SLC66A2: variants seen among roughly 807,000 people sequenced by gnomAD.
SLC66A2 encodes solute carrier family 66 member 2.
A neutral mutation model predicts 25.5 loss-of-function variants in SLC66A2; 23 were observed. That is an observed-to-expected ratio of 0.90 (90% CI 0.65 to 1.28). The LOEUF is 1.28. SLC66A2 is among the 50% of genes most tolerant of loss of function. SLC66A2 has a pLI of 0.00. For synonymous variants in SLC66A2, 193 were observed against 166.5 expected (o/e 1.16, Z -1.23); for missense variants, 396 against 373.1 (o/e 1.06, Z -0.51).
chr18:79,947,567 A>G, intron 2 of SLC66A2, among the ~76,000 whole-genome samples: 1 of 150,246 alleles, frequency 6.7e-6, no homozygotes, highest in Non-Finnish European at 1.5e-5. Flanking sequence ...CCTTCTCACC[A>G]GAGCCCAGCC....
chr18:79,943,544 G>A (rs1253436033), intron 2 of SLC66A2, 82 bp from the exon 3 acceptor site: 13 of 1,524,738 alleles, frequency 8.5e-6, no homozygotes, highest in South Asian at 4.9e-5. Flanking sequence ...GAGAGACCCG[G>A]GTCAGGAGGG....
Position 79,950,742 on chromosome 18 carries a change from A to G in SLC66A2, c.185T>C (p.Ile62Thr). 6.2e-7 allele frequency: 1 copy of G among 1,613,134 alleles called. No homozygotes were observed. The highest frequency in any genetic ancestry group is 8.5e-7 in the Non-Finnish European group (1 of 1,179,922). The change falls in exon 2 of 6, where the codon ATT (isoleucine) becomes ACT (threonine). Residue 62 changes from isoleucine (I) to threonine (T), a missense_variant. Physicochemically the swap from Ile to Thr is moderately conservative, Grantham distance 89. Transcript: ENST00000397778. ...AACTTACCAGAAGAGTATCCGCAAA[A>G]TGTTGGCCACCAGCAGCACCAGGCA... ...YVCLVLLVAN[I>T]LRILFWFGRR...
chr18:79,919,380 A>G lies in SLC66A2; in HGVS notation c.412T>C (p.Trp138Arg), dbSNP rs1984706434. ...TAGTCCGAGAAGCTGCTCCACTGCC[A>G]GAAGTGGTGGGGGTCGAAGTCTAGG... ...SFLDFDPHHF[W>R]QWSSFSDYVQ... Residue 138 changes from tryptophan (W) to arginine (R), a missense_variant, in exon 5 of 6, where the codon TGG becomes CGG. Transcript: ENST00000397778. The G allele has an allele frequency of 6.2e-7, 1 of 1,613,102 alleles. No homozygotes were observed. Among genetic ancestry groups the G allele is most frequent in the Non-Finnish European group, 8.5e-7 (1 of 1,180,000 alleles).
chr18:79,935,791 C>T (rs922021275), intron 3 of SLC66A2, among the ~76,000 whole-genome samples: 1 of 151,678 alleles, frequency 6.6e-6, no homozygotes, highest in Non-Finnish European at 1.5e-5. Context: ...TGCCAAAGAG[C>T]GAGTGAGGGA....
At chr18:79,939,951 A>G (rs920219873) in intron 3 of SLC66A2, among the ~76,000 whole-genome samples, 2 of 152,230 alleles carry the variant, frequency 1.3e-5, no homozygotes, top group Non-Finnish European at 2.9e-5. Flanking sequence ...ACTAGCAAAG[A>G]CTTGGAATTA....
At chr18:79,932,526 G>A (rs1350601577) in intron 4 of SLC66A2, among the ~76,000 whole-genome samples, 1 of 151,926 alleles carries the variant, frequency 6.6e-6, no homozygotes, top group Non-Finnish European at 1.5e-5. Flanking sequence ...TTAAAAAGTT[G>A]GTTATTTGAC....
intron 1 of SLC66A2, 114 bp from the exon 2 acceptor site, chr18:79,951,139 G>A (rs1231311483): frequency 2.8e-5 from 7 of 250,994 alleles, no homozygotes; most frequent in Non-Finnish European, 5.2e-5. Context: ...GGGCGACCGG[G>A]GCCCGGGGCG....
intron 4 of SLC66A2, among the ~76,000 whole-genome samples, chr18:79,924,240 G>A (rs1985650519): frequency 6.6e-6 from 1 of 152,136 alleles, no homozygotes; most frequent in African/African-American, 2.4e-5. Flanking sequence ...GTGCACAGTG[G>A]AGTATTAGCC....
At position 79,933,845 on chromosome 18, in the gene SLC66A2, C is replaced by G. The variant is rs536551515; in HGVS notation, c.391+124G>C. On this transcript the variant is annotated intron_variant, in intron 4 of 5. Coordinates refer to ENST00000397778, the MANE Select transcript of SLC66A2 (RefSeq NM_025078.5). ...GGAGTTGATTAGTTTGCTGTAGACT[C>G]GGCCACGCTTGGTAAAGATGACGCA... The G allele has an allele frequency of 5.0e-6, 4 of 798,958 alleles. No individual in the cohort carries two copies. In the East Asian group the frequency reaches 1.1e-4, roughly 22 times the overall value. The allele number at this position is 798,958 out of a possible 1,614,324, so 49.5% of individuals were successfully genotyped here. A position where few individuals can be genotyped will look rare whatever the true frequency, so the allele number is the denominator to read the frequency against.
At chr18:79,929,990 G>T (rs1197963936) in intron 4 of SLC66A2, among the ~76,000 whole-genome samples, 2 of 152,146 alleles carry the variant, frequency 1.3e-5, no homozygotes, top group African/African-American at 4.8e-5. Context: ...GGCACATGCA[G>T]AATGGGTGAG....
intron 5 of SLC66A2, chr18:79,916,074 C>CGCTCCCATACCCACGGT (rs1984009467): frequency 9.5e-6 from 1 of 104,856 alleles, no homozygotes; most frequent in Non-Finnish European, 2.0e-5. Flanking sequence ...ATACCCACAG[C>CGCTCCCATACCCACGGT]GCTCCCGTAC....
chr18:79,931,850 C>CA (rs1374580800), intron 4 of SLC66A2, among the ~76,000 whole-genome samples: 7 of 151,824 alleles, frequency 4.6e-5, no homozygotes, highest in Admixed American at 4.6e-4. Context: ...CCTGTCTCTA[C>CA]AAAAAATACA....
chr18:79,943,251 T>C, intron 3 of SLC66A2, 78 bp downstream of exon 3: 1 of 1,549,212 alleles, frequency 6.5e-7, no homozygotes. Context: ...TCAGGACAGA[T>C]TAGAGTGGCT....
chr18:79,918,430 TC>T lies in SLC66A2; in HGVS notation c.608+753del, dbSNP rs1568305404. On this transcript the variant is annotated intron_variant, in intron 5 of 5. Transcript: ENST00000397778. The surrounding 1 kb of genome is among the most constrained non-coding windows in gnomAD (Gnocchi z 4.0). ...AGTGAGGAGCGGGCCCGGGGGGGGG[TC>T]CCCAGTGAGGAGCGGGCACCGGGGA... Among the ~76,000 whole-genome samples, 1 of 83,318 alleles carries T rather than the reference TC, an allele frequency of 1.2e-5. No individual in the cohort carries two copies. Among genetic ancestry groups the T allele is most frequent in the African/African-American group, 3.7e-5 (1 of 26,722 alleles). 54.7% of individuals were successfully genotyped at this position (83,318 alleles called of 152,430 possible).
Position 79,904,489 on chromosome 18 carries a change from C to T in SLC66A2, c.609-306G>A, listed in dbSNP as rs562902366. Among the ~76,000 whole-genome samples the T allele has an allele frequency of 2.0e-5, 3 of 152,238 alleles. No homozygotes were observed. Among genetic ancestry groups the T allele is most frequent in the East Asian group, 1.9e-4 (1 of 5,166 alleles). On this transcript the variant is annotated intron_variant, in intron 5 of 5. Coordinates refer to ENST00000397778, the MANE Select transcript of SLC66A2 (RefSeq NM_025078.5). This position sits in a 1 kb window ranked among gnomAD's most constrained non-coding sequence, Gnocchi z 6.3. ...ACTTCTCTGTGGCCGCAAGAGCTGCCGCCTGGCTGGGGCTCTGCAAGCCCA... is the reference window on the plus strand; with the variant it reads ...ACTTCTCTGTGGCCGCAAGAGCTGCTGCCTGGCTGGGGCTCTGCAAGCCCA...
intron 4 of SLC66A2, among the ~76,000 whole-genome samples, chr18:79,923,478 G>A (rs1057201233): frequency 2.6e-5 from 4 of 152,112 alleles, no homozygotes; most frequent in Non-Finnish European, 5.9e-5. Flanking sequence ...ACCTATTTTA[G>A]TTTCCCCAGG....
chr18:79,916,985 C>T (rs989216407), intron 5 of SLC66A2, among the ~76,000 whole-genome samples: 10 of 152,248 alleles, frequency 6.6e-5, no homozygotes, highest in African/African-American at 1.2e-4. Context: ...GCCGCAGGAC[C>T]GACTGCCTGC....
chr18:79,949,260 G>A (rs2051035612), intron 2 of SLC66A2, among the ~76,000 whole-genome samples: 3 of 152,160 alleles, frequency 2.0e-5, no homozygotes, highest in African/African-American at 7.2e-5. Flanking sequence ...ACGGAGCAGG[G>A]AGCACCCCGG....
chr18:79,938,697 G>C, intron 3 of SLC66A2, among the ~76,000 whole-genome samples: 1 of 152,212 alleles, frequency 6.6e-6, no homozygotes. Context: ...TGTTTTTTAA[G>C]ATGGAGTCTC....
Sources: gnomAD v4.1 joint callset for allele counts (sites outside exome capture counted in the v4.1 genomes callset) on GRCh38, gnomAD v4.1.1 for gene constraint, Gnocchi (gnomAD v3.1) non-coding constraint, MANE v1.5 for transcripts, NCBI Gene and HGNC (gene_info 2026-07-23, HGNC 2026-07-21) for gene names.